Variants in PCDHA13 observed in about 807,000 individuals in gnomAD.
PCDHA13 encodes protocadherin alpha 13.
In PCDHA13, 54 loss-of-function variants were observed where a neutral mutation model predicts 64.8. The observed-to-expected ratio is 0.83, with a 90% CI of 0.67 to 1.04. PCDHA13 has a LOEUF of 1.04. PCDHA13 is among the 50% of genes least tolerant of loss of function. The pLI, the probability that PCDHA13 is intolerant of heterozygous loss-of-function variation, is 0.00. For synonymous variants in PCDHA13, 587 were observed against 564.4 expected (o/e 1.04, Z -0.57); for missense variants, 1,248 against 1,254.3 (o/e 0.99, Z 0.08).
At chr5:140,945,440 T>C (rs932464631) in intron 1 of PCDHA13, among the ~76,000 whole-genome samples, 1 of 151,948 alleles carries the variant, frequency 6.6e-6, no homozygotes, top group African/African-American at 2.4e-5. Context: ...TACAGAAATA[T>C]AAAAAACTTC....
chr5:140,885,861 A>G (rs1329895164), intron 1 of PCDHA13, among the ~76,000 whole-genome samples: 1 of 152,104 alleles, frequency 6.6e-6, no homozygotes, highest in African/African-American at 2.4e-5. Context: ...CTACTTTTCT[A>G]TTGAAAAAAA....
In PCDHA13 at chr5:140,988,105, A is replaced by C. The variant is rs2097283158; in HGVS notation, c.2542+5542A>C. On this transcript the variant is annotated intron_variant, in intron 3 of 3. Transcript: ENST00000289272. ...TGAGTGCAGCCTCGGGCCTTGTTGGAGAATTTAGAAAGCATGCTGTTCCAC... is the reference window on the plus strand; with the variant it reads ...TGAGTGCAGCCTCGGGCCTTGTTGGCGAATTTAGAAAGCATGCTGTTCCAC... Among the ~76,000 whole-genome samples the C allele has an allele frequency of 2.6e-5, 4 of 152,138 alleles. No individual in the cohort carries two copies. In the South Asian group the frequency reaches 8.3e-4, roughly 32 times the overall value.
intron 3 of PCDHA13, among the ~76,000 whole-genome samples, chr5:140,997,668 T>TTG (rs35184029): frequency 0.084 from 12,442 of 148,286 alleles, 534 homozygotes; most frequent in Admixed American, 0.1. Flanking sequence ...ATTATACAGC[T>TTG]TGTGTGTGTG....
chr5:141,005,959 A>G (rs1225421383), intron 3 of PCDHA13, among the ~76,000 whole-genome samples: 1 of 152,048 alleles, frequency 6.6e-6, no homozygotes, highest in African/African-American at 2.4e-5. Context: ...ACAAACAACA[A>G]TAAAAAAACA....
chr5:140,955,078 G>T lies in PCDHA13; in HGVS notation c.2395-23871G>T, dbSNP rs192023775. On this transcript the variant is annotated intron_variant, in intron 1 of 3. Transcript: ENST00000289272. ...TTGTCAGGTTTGTTGAAGATCAGAT[G>T]GTTGTAGGTGTGTGGTGTTATTTCT... Among the ~76,000 whole-genome samples, 36 of 152,228 alleles carry T rather than the reference G, an allele frequency of 2.4e-4. No homozygotes were observed. In the East Asian group the frequency reaches 6.6e-3, roughly 28 times the overall value.
chr5:140,973,556 C>A lies in PCDHA13; in HGVS notation c.2395-5393C>A, dbSNP rs993191449. Among the ~76,000 whole-genome samples the A allele has an allele frequency of 3.9e-5, 6 of 152,336 alleles. 1 individual carries two copies. In the South Asian group the frequency reaches 1.2e-3, roughly 32 times the overall value. ...ATACAATAATTTATTTCAATTACCT[C>A]TTTCCTCAATTTTTCTACAGACTGC... On this transcript the variant is annotated intron_variant, in intron 1 of 3. Coordinates refer to ENST00000289272, the MANE Select transcript of PCDHA13 (RefSeq NM_018904.3).
chr5:140,958,077 A>G (rs2095408004), intron 1 of PCDHA13, among the ~76,000 whole-genome samples: 2 of 152,124 alleles, frequency 1.3e-5, no homozygotes, highest in South Asian at 4.1e-4. Flanking sequence ...AGAAGCAAAA[A>G]GTAAAGTTGT....
chr5:140,961,672 A>T (rs1463428757), intron 1 of PCDHA13, among the ~76,000 whole-genome samples: 2 of 152,182 alleles, frequency 1.3e-5, no homozygotes, highest in East Asian at 3.8e-4. Flanking sequence ...ACCAGTTTTT[A>T]ATTAAGCCGG....
chr5:140,926,929 G>T, intron 1 of PCDHA13: 2 of 1,575,722 alleles, frequency 1.3e-6, no homozygotes, highest in South Asian at 2.3e-5. Flanking sequence ...ATGTTTGTGG[G>T]TTTCCTGCGG....
Position 140,883,696 on chromosome 5 carries a change from G to T in PCDHA13, c.1428G>T (p.Thr476=), listed in dbSNP as rs142212706. 1.2e-6 allele frequency: 2 copies of T among 1,613,818 alleles called. No homozygotes were observed. Among genetic ancestry groups the T allele is most frequent in the Non-Finnish European group, 1.7e-6 (2 of 1,179,880 alleles). The change falls in exon 1 of 4, where the codon ACG becomes ACT. Residue 476 remains threonine, a synonymous_variant. Transcript: ENST00000289272. ...ATCCGCCGGGCTGCCACATCTTCACGGTGTCTGCTCAGGACGCGGACGCAC... is the reference window on the plus strand; with the variant it reads ...ATCCGCCGGGCTGCCACATCTTCACTGTGTCTGCTCAGGACGCGGACGCAC... The part of the protein sequence containing the change: ...ENNPPGCHIF[T]VSAQDADAQE...
intron 3 of PCDHA13, among the ~76,000 whole-genome samples, chr5:140,983,265 T>C (rs553920702): frequency 6.6e-6 from 1 of 152,200 alleles, no homozygotes; most frequent in Non-Finnish European, 1.5e-5. Flanking sequence ...AAAAACCTAA[T>C]GGCTGGGTGA....
chr5:140,964,759 G>T (rs1419505922), intron 1 of PCDHA13, among the ~76,000 whole-genome samples: 6 of 151,804 alleles, frequency 4.0e-5, no homozygotes, highest in Non-Finnish European at 7.4e-5. Context: ...GATGTTTGGG[G>T]AGGATGCAGA....
chr5:140,955,220 A>T (rs1016918569), intron 1 of PCDHA13, among the ~76,000 whole-genome samples: 1 of 152,130 alleles, frequency 6.6e-6, no homozygotes, highest in Non-Finnish European at 1.5e-5. Flanking sequence ...TGATGCCTCC[A>T]GCTTTGTTCT....
In PCDHA13 at chr5:141,010,428, A is replaced by G. The variant is rs2098417264; in HGVS notation, c.*491A>G. The G allele has an allele frequency of 9.2e-7, 1 of 1,087,372 alleles. No individual in the cohort carries two copies. Among genetic ancestry groups the G allele is most frequent in the East Asian group, 2.6e-5 (1 of 38,240 alleles). 67.4% of individuals were successfully genotyped at this position (1,087,372 alleles called of 1,614,324 possible). ...GACTAATTGGTACAAGGAAGGCAAG[A>G]AAACAAAGACAAATAAACAGCGGAA... On this transcript the variant is annotated 3_prime_UTR_variant, in exon 4 of 4. Transcript: ENST00000289272.
intron 1 of PCDHA13, chr5:140,930,208 A>C (rs939593947): frequency 6.6e-6 from 1 of 152,220 alleles, no homozygotes; most frequent in African/African-American, 2.4e-5. Flanking sequence ...AGAAATATTT[A>C]TGTGTTCAAA....
At position 141,010,020 on chromosome 5, in the gene PCDHA13, TTCCTA is replaced by T. The variant is rs1554262638; in HGVS notation, c.*86_*90del. 6.4e-7 allele frequency: 1 copy of T among 1,572,330 alleles called. No individual in the cohort carries two copies. Among genetic ancestry groups the T allele is most frequent in the Non-Finnish European group, 8.6e-7 (1 of 1,163,268 alleles). On this transcript the variant is annotated 3_prime_UTR_variant, in exon 4 of 4. Coordinates refer to ENST00000289272, the MANE Select transcript of PCDHA13 (RefSeq NM_018904.3). ...CCATGTAGCAATTCCCTGCTCCTTT[TTCCTA>T]TCTACATGAGCCCTCTTAGAGACCT...
At chr5:140,942,422 G>C (rs1445298712) in intron 1 of PCDHA13, among the ~76,000 whole-genome samples, 3 of 150,866 alleles carry the variant, frequency 2.0e-5, no homozygotes, top group Non-Finnish European at 4.4e-5. Context: ...AAAAAAAAAA[G>C]ATATCTAACA....
intron 1 of PCDHA13, among the ~76,000 whole-genome samples, chr5:140,910,531 C>G (rs2153515118): frequency 6.6e-6 from 1 of 152,310 alleles, no homozygotes; most frequent in Admixed American, 6.5e-5. Flanking sequence ...ACTCCCCTCA[C>G]AAATCTATTT....
rs982709387 is a variant in PCDHA13, at chr5:141,003,306, C to T, written c.2543-6321C>T. ...TGGATTATAGGATTACATGAAGTGG[C>T]CAGCTACTTCCAGAGGGCAGGGTTT... On this transcript the variant is annotated intron_variant, in intron 3 of 3. Coordinates refer to ENST00000289272, the MANE Select transcript of PCDHA13 (RefSeq NM_018904.3). 1.7e-4 allele frequency among the ~76,000 whole-genome samples: 26 copies of T among 152,276 alleles called. No homozygotes were observed. In the East Asian group the frequency reaches 4.1e-3, roughly 24 times the overall value.
Sources: gnomAD v4.1 joint callset for allele counts (sites outside exome capture counted in the v4.1 genomes callset) on GRCh38, gnomAD v4.1.1 for gene constraint, MANE v1.5 for transcripts, NCBI Gene and HGNC (gene_info 2026-07-23, HGNC 2026-07-21) for gene names.